Variants in CSNK1D observed in about 807,000 individuals in gnomAD.
CSNK1D encodes the protein casein kinase 1 delta.
CSNK1D carries 16 observed loss-of-function variants against 46.6 expected under a neutral mutation model. The ratio of observed to expected loss-of-function variants is 0.34; its 90% confidence interval spans 0.23 to 0.52. CSNK1D has a LOEUF of 0.52. Among genes scored for constraint, CSNK1D ranks in the 20% least tolerant of loss-of-function variants. The pLI, the probability that CSNK1D is intolerant of heterozygous loss-of-function variation, is 0.95. For missense variants in CSNK1D, 398 were observed against 578.4 expected (o/e 0.69, Z 3.20); for synonymous variants, 276 against 228.2 (o/e 1.21, Z -1.89).
At chr17:82,242,218 G>A (rs990976806), downstream of CSNK1D, among the ~76,000 whole-genome samples, 6 of 151,668 alleles carry the variant, frequency 4.0e-5, no homozygotes, top group East Asian at 3.9e-4. Flanking sequence ...GCTCTGGGGG[G>A]GGGGGGAAGA....
chr17:82,249,050 C>T lies in CSNK1D; in HGVS notation c.1058-36G>A, dbSNP rs1320628331. Reference sequence around the variant, plus strand: ...GGAGAGAAACGGAGTGGGCCGCCCCCGTCTGCTGCCTCTCACTCGGGGCTT... The same window carrying T: ...GGAGAGAAACGGAGTGGGCCGCCCCTGTCTGCTGCCTCTCACTCGGGGCTT... On this transcript the variant is annotated intron_variant, in intron 7 of 8. Coordinates refer to ENST00000314028, the MANE Select transcript of CSNK1D (RefSeq NM_001893.6). The surrounding 1 kb of genome is among the most constrained non-coding windows in gnomAD (Gnocchi z 6.7). The T allele has an allele frequency of 1.8e-5, 28 of 1,545,306 alleles. No homozygotes were observed. The highest frequency in any genetic ancestry group is 2.4e-5 in the South Asian group (2 of 83,936).
At position 82,242,954 on chromosome 17, in the gene CSNK1D, T is replaced by A. The variant is rs1264829868; in HGVS notation, c.*1827A>T. ...GACCACAGATATTTACAAAGCAAGC[T>A]TGCGCCACTTCAGGCCACAGCGCGA... On this transcript the variant is annotated 3_prime_UTR_variant, in exon 9 of 9. Coordinates refer to ENST00000314028, the MANE Select transcript of CSNK1D (RefSeq NM_001893.6). The A allele has an allele frequency of 1.0e-6, 1 of 985,368 alleles. No homozygotes were observed. Among genetic ancestry groups the A allele is most frequent in the Non-Finnish European group, 1.2e-6 (1 of 829,884 alleles). The allele number at this position is 985,368 out of a possible 1,614,324, so 61.0% of individuals were successfully genotyped here.
chr17:82,259,436 G>A (rs1415826107), intron 2 of CSNK1D, among the ~76,000 whole-genome samples: 1 of 152,230 alleles, frequency 6.6e-6, no homozygotes, highest in Non-Finnish European at 1.5e-5. Flanking sequence ...GGCTGAGGAT[G>A]ATGTGGGTTA....
rs750171337 is a variant in CSNK1D at position 82,251,855 on chromosome 17, G to A, written c.737-328C>T. On this transcript the variant is annotated intron_variant, in intron 5 of 8. Transcript: ENST00000314028. This position sits in a 1 kb window ranked among gnomAD's most constrained non-coding sequence, Gnocchi z 4.5. Reference sequence around the variant, plus strand: ...AAAAAAAAAAAAAAAGTTCTAGAGCGTGGTGGCGGGCGCCTGTAGTCCCAG... The same window carrying A: ...AAAAAAAAAAAAAAAGTTCTAGAGCATGGTGGCGGGCGCCTGTAGTCCCAG... 32 of 357,168 alleles carry A rather than the reference G, an allele frequency of 9.0e-5. No homozygotes were observed. The highest frequency in any genetic ancestry group is 2.6e-4 in the South Asian group (11 of 42,826). The allele number at this position is 357,168 out of a possible 1,614,324, so 22.1% of individuals were successfully genotyped here.
intron 1 of CSNK1D, among the ~76,000 whole-genome samples, chr17:82,272,745 G>A (rs980335767): frequency 6.6e-6 from 1 of 152,190 alleles, no homozygotes; most frequent in South Asian, 2.1e-4. Flanking sequence ...ACGAATGCAA[G>A]ACACCGGGGC....
At chr17:82,260,024 ATGGTG>A (rs1170124564) in intron 2 of CSNK1D, among the ~76,000 whole-genome samples, 103 of 132,748 alleles carry the variant, frequency 7.8e-4, no homozygotes, top group African/African-American at 3.9e-3. Flanking sequence ...GTACTGACTG[ATGGTG>A]TACTGACTGA....
chr17:82,246,571 C>A, intron 8 of CSNK1D: 1 of 1,029,814 alleles, frequency 9.7e-7, no homozygotes, highest in African/African-American at 1.7e-5. Flanking sequence ...GAGCCCTGGC[C>A]GAACACCAAC....
rs1349299145 is a variant in CSNK1D at position 82,248,640 on chromosome 17, G to A, written c.1197+235C>T. 4 of 1,381,330 alleles carry A rather than the reference G, an allele frequency of 2.9e-6. No homozygotes were observed. Among genetic ancestry groups the A allele is most frequent in the African/African-American group, 1.5e-5 (1 of 68,474 alleles). The allele number at this position is 1,381,330 out of a possible 1,614,324, so 85.6% of individuals were successfully genotyped here. ...CGGTTTGCTGGCCTCAGGGACCTGA[G>A]ACCTGAGACTGGCCACCTGCAACCA... is the stretch of plus-strand genomic sequence containing the variant. On this transcript the variant is annotated intron_variant, in intron 8 of 8. Transcript: ENST00000314028. The surrounding 1 kb of genome is among the most constrained non-coding windows in gnomAD (Gnocchi z 4.1).
intron 2 of CSNK1D, among the ~76,000 whole-genome samples, chr17:82,260,035 ACT>A (rs2051285172): frequency 8.1e-6 from 1 of 123,390 alleles, no homozygotes; most frequent in African/African-American, 4.8e-5. Context: ...TGGTGTACTG[ACT>A]GATGTGACTG....
downstream of CSNK1D, among the ~76,000 whole-genome samples, chr17:82,240,500 T>TA (rs2050727830): frequency 6.6e-6 from 1 of 152,144 alleles, no homozygotes; most frequent in South Asian, 2.1e-4. Flanking sequence ...GACCTGGGCT[T>TA]ACAGAGGTAC....
At chr17:82,240,279 C>T (rs952910176), downstream of CSNK1D, among the ~76,000 whole-genome samples, 4 of 152,216 alleles carry the variant, frequency 2.6e-5, no homozygotes, top group Non-Finnish European at 5.9e-5. Flanking sequence ...TGTGTCTCGG[C>T]AGAGTCCACC....
intron 2 of CSNK1D, among the ~76,000 whole-genome samples, chr17:82,264,789 C>T (rs1348559576): frequency 6.6e-6 from 1 of 150,608 alleles, no homozygotes; most frequent in African/African-American, 2.5e-5. Flanking sequence ...TTGAAATTCA[C>T]ACAAAATCTT....
chr17:82,239,127 G>A, downstream of CSNK1D: 2 of 731,982 alleles, frequency 2.7e-6, no homozygotes, highest in East Asian at 2.9e-5. Flanking sequence ...TGTTTTGAGG[G>A]GGAAGGTGGC....
downstream of CSNK1D, chr17:82,239,415 T>C: frequency 5.8e-6 from 1 of 173,056 alleles, no homozygotes; most frequent in Admixed American, 6.3e-5. Flanking sequence ...CTTGAGTGTC[T>C]TGGGGACAGC....
rs906575398 is a variant in CSNK1D at position 82,250,371 on chromosome 17, C to T, written c.886-769G>A. 1.7e-4 allele frequency: 68 copies of T among 411,942 alleles called. No individual in the cohort carries two copies. Among genetic ancestry groups the T allele is most frequent in the Non-Finnish European group, 4.1e-5 (9 of 220,112 alleles). 25.5% of individuals were successfully genotyped at this position (411,942 alleles called of 1,614,324 possible). The stretch of plus-strand genomic sequence containing the variant: ...TGCGGCCAGCACCGCCCAGACTCCT[C>T]ATGCTGCCATTTACGGAAAACGCTG... On this transcript the variant is annotated intron_variant, in intron 6 of 8. Transcript: ENST00000314028. This position sits in a 1 kb window ranked among gnomAD's most constrained non-coding sequence, Gnocchi z 4.6.
At chr17:82,265,097 C>T in intron 2 of CSNK1D, among the ~76,000 whole-genome samples, 1 of 151,962 alleles carries the variant, frequency 6.6e-6, no homozygotes, top group Middle Eastern at 3.2e-3. Flanking sequence ...CTGCGTCTGG[C>T]CTATTCACAC....
rs1334490807 is a variant in CSNK1D at position 82,243,855 on chromosome 17, G to A, written c.*926C>T. The stretch of plus-strand genomic sequence containing the variant: ...CTCTCGGTTCACAGTCCTCTCCCAA[G>A]GGACCAGAAACGCATCTTCCACCTT... On this transcript the variant is annotated 3_prime_UTR_variant, in exon 9 of 9. Transcript: ENST00000314028. 13 of 985,556 alleles carry A rather than the reference G, an allele frequency of 1.3e-5. No homozygotes were observed. The Admixed American group carries it at 4.3e-4, about 33-fold the overall frequency. The allele number at this position is 985,556 out of a possible 1,614,324, so 61.1% of individuals were successfully genotyped here.
chr17:82,239,114 C>A, downstream of CSNK1D: 1 of 838,766 alleles, frequency 1.2e-6, no homozygotes, highest in Non-Finnish European at 1.8e-6. Flanking sequence ...GTCGCCCGAT[C>A]AGTGTTTTGA....
At position 82,249,758 on chromosome 17, in the gene CSNK1D, T is replaced by C. The variant is rs2147164803; in HGVS notation, c.886-156A>G. 5 of 1,483,102 alleles carry C rather than the reference T, an allele frequency of 3.4e-6. No individual in the cohort carries two copies. Among genetic ancestry groups the C allele is most frequent in the Non-Finnish European group, 3.6e-6 (4 of 1,118,366 alleles). The allele number at this position is 1,483,102 out of a possible 1,614,324, so 91.9% of individuals were successfully genotyped here. A position where few individuals can be genotyped will look rare whatever the true frequency, so the allele number is the denominator to read the frequency against. ...CCCACAGGCTGCACGTTTCTCCTCA[T>C]GGGATGACAGCATCATCCCCACAAG... is the stretch of plus-strand genomic sequence containing the variant. On this transcript the variant is annotated intron_variant, in intron 6 of 8. Coordinates refer to ENST00000314028, the MANE Select transcript of CSNK1D (RefSeq NM_001893.6). This position sits in a 1 kb window ranked among gnomAD's most constrained non-coding sequence, Gnocchi z 6.7.
Sources: gnomAD v4.1 joint callset for allele counts (sites outside exome capture counted in the v4.1 genomes callset) on GRCh38, gnomAD v4.1.1 for gene constraint, Gnocchi (gnomAD v3.1) non-coding constraint, MANE v1.5 for transcripts, NCBI Gene and HGNC (gene_info 2026-07-23, HGNC 2026-07-21) for gene names.